The following ZNF292 variants were observed in gnomAD, a reference collection of about 807,000 sequenced individuals.
ZNF292 encodes the protein zinc finger protein 292, also known as 16 zinc-finger domain protein.
ZNF292 carries 26 observed loss-of-function variants against 217.9 expected under a neutral mutation model. That is an observed-to-expected ratio of 0.12 (90% CI 0.09 to 0.17). The LOEUF (loss-of-function observed/expected upper bound fraction) is 0.17. ZNF292 is among the 10% of genes least tolerant of loss of function. The pLI, the probability that ZNF292 is intolerant of heterozygous loss-of-function variation, is 1.00. For missense variants in ZNF292, 2,904 were observed against 3,175.2 expected, an observed-to-expected ratio of 0.91 and a Z score of 2.05; for synonymous variants, 1,257 against 1,124.1, an observed-to-expected ratio of 1.12 and a Z score of -2.37.
intron 1 of ZNF292, among the ~76,000 whole-genome samples, chr6:87,191,269 A>G (rs1351237496): frequency 1.4e-5 from 2 of 145,952 alleles, no homozygotes; most frequent in East Asian, 2.0e-4. Flanking sequence ...ACTAATACTA[A>G]TGATAGCTGA....
chr6:87,214,034 T>C (rs953867269), intron 1 of ZNF292, among the ~76,000 whole-genome samples: 5 of 152,188 alleles, frequency 3.3e-5, no homozygotes, highest in African/African-American at 1.2e-4. Flanking sequence ...TGCCACAGTT[T>C]GGGGTATCAG....
chr6:87,161,286 G>A (rs1459758104), intron 1 of ZNF292, among the ~76,000 whole-genome samples: 1 of 152,144 alleles, frequency 6.6e-6, no homozygotes, highest in East Asian at 1.9e-4. Flanking sequence ...CAAGGACCTA[G>A]GTTTAGATGT....
chr6:87,217,887 CCT>C (rs1772868391), intron 3 of ZNF292, among the ~76,000 whole-genome samples: 1 of 152,042 alleles, frequency 6.6e-6, no homozygotes, highest in African/African-American at 2.4e-5. Flanking sequence ...ATTTATTTTC[CCT>C]GTGTTTTAAC....
intron 1 of ZNF292, among the ~76,000 whole-genome samples, chr6:87,180,100 G>A (rs1771426710): frequency 1.3e-5 from 2 of 152,182 alleles, no homozygotes; most frequent in Admixed American, 1.3e-4. Flanking sequence ...TGAAAGAATT[G>A]TCTTGGGCCA....
At chr6:87,161,780 T>G (rs2127769038) in intron 1 of ZNF292, among the ~76,000 whole-genome samples, 1 of 152,334 alleles carries the variant, frequency 6.6e-6, no homozygotes, top group Non-Finnish European at 1.5e-5. Flanking sequence ...ATTGAAATGG[T>G]TTTTTAAAAT....
At chr6:87,209,889 T>G (rs1375472124) in intron 1 of ZNF292, among the ~76,000 whole-genome samples, 1 of 152,146 alleles carries the variant, frequency 6.6e-6, no homozygotes, top group Non-Finnish European at 1.5e-5. Flanking sequence ...AGTCATGAGA[T>G]CAAAATGTTT....
In ZNF292 at chr6:87,259,038, TAAC is replaced by T; in HGVS notation, c.5412_5414del (p.Asn1804del). 13 of 1,613,480 alleles carry T rather than the reference TAAC, an allele frequency of 8.1e-6. No individual in the cohort carries two copies. The highest frequency in any genetic ancestry group is 1.1e-5 in the Non-Finnish European group (13 of 1,179,674). On this transcript the variant is annotated inframe_deletion, in exon 8 of 8. Coordinates refer to ENST00000369577, the MANE Select transcript of ZNF292 (RefSeq NM_015021.3). ...TTCCTTCAGTAAACACTGTGCAAAA[TAAC>T]AAATTACCCGATTCTTCTCCGTTTT... is the stretch of plus-strand genomic sequence containing the variant.
At chr6:87,250,025 AAAAAAAAAAAAC>A (rs1232957341) in intron 7 of ZNF292, among the ~76,000 whole-genome samples, 102 of 133,928 alleles carry the variant, frequency 7.6e-4, no homozygotes, top group African/African-American at 2.5e-3. Context: ...GTAACCCTTA[AAAAAAAAAAAAC>A]AAAAAAAAAA....
rs969238097 is a variant in ZNF292, at chr6:87,262,824, A to C, written c.*1023A>C. 1 of 151,990 alleles carries C rather than the reference A, an allele frequency of 6.6e-6. No individual in the cohort carries two copies. The highest frequency in any genetic ancestry group is 1.5e-5 in the Non-Finnish European group (1 of 67,896). The allele number at this position is 151,990 out of a possible 1,614,324, so 9.4% of individuals were successfully genotyped here. ...GATTTATAGATTGGTGTATAGCTTT[A>C]AACTGTATAAAGTTTTGTGGAAAGA... On this transcript the variant is annotated 3_prime_UTR_variant, in exon 8 of 8. Transcript: ENST00000369577.
At chr6:87,199,115 C>T (rs1234682502) in intron 1 of ZNF292, among the ~76,000 whole-genome samples, 1 of 152,190 alleles carries the variant, frequency 6.6e-6, no homozygotes, top group East Asian at 1.9e-4. Context: ...ATTTTACATT[C>T]TCCTTAGCAA....
Position 87,260,695 on chromosome 6 carries a change from C to T in ZNF292, c.7066C>T (p.Pro2356Ser). Residue 2356 changes from proline (P) to serine (S), a missense_variant, in exon 8 of 8, where the codon CCT becomes TCT. Around this residue, in one of 15 missense-constraint regions of ZNF292, gnomAD observed 101 missense variants for 89.5 expected, o/e 1.13. Transcript: ENST00000369577. ...AKIVQIEENK[P>S]YSLKRGKHVY... The stretch of plus-strand genomic sequence containing the variant: ...GATTGTGCAGATTGAAGAAAATAAG[C>T]CTTATTCTCTGAAACGTGGGAAGCA... 3 of 1,613,022 alleles carry T rather than the reference C, an allele frequency of 1.9e-6. No individual in the cohort carries two copies. Among genetic ancestry groups the T allele is most frequent in the Admixed American group, 1.7e-5 (1 of 59,866 alleles).
chr6:87,162,844 A>G (rs1168243179), intron 1 of ZNF292, among the ~76,000 whole-genome samples: 1 of 152,234 alleles, frequency 6.6e-6, no homozygotes, highest in Non-Finnish European at 1.5e-5. Flanking sequence ...GAGAGGTTAC[A>G]TTATTTTTCC....
intron 7 of ZNF292, among the ~76,000 whole-genome samples, chr6:87,248,306 A>G (rs566967730): frequency 3.3e-5 from 5 of 152,346 alleles, no homozygotes; most frequent in Admixed American, 3.3e-4. Flanking sequence ...AGTAAGTCTT[A>G]GATGTATCTT....
At chr6:87,208,316 T>A (rs1419959797) in intron 1 of ZNF292, among the ~76,000 whole-genome samples, 1 of 152,164 alleles carries the variant, frequency 6.6e-6, no homozygotes, top group African/African-American at 2.4e-5. Flanking sequence ...TCTAGAAAAT[T>A]AATTTGAATT....
rs1771274964 is a variant in ZNF292, at chr6:87,175,952, T to C, written c.168+20193T>C. On this transcript the variant is annotated intron_variant, in intron 1 of 7. Coordinates refer to ENST00000369577, the MANE Select transcript of ZNF292 (RefSeq NM_015021.3). ...CTTCAATTTATTTACACTACGCTCC[T>C]GGTTCTACGTTTGTGACTGTTTATT... Among the ~76,000 whole-genome samples the C allele has an allele frequency of 2.6e-5, 4 of 152,190 alleles. No individual in the cohort carries two copies. The South Asian group carries it at 8.3e-4, about 31-fold the overall frequency.
chr6:87,256,673 A>G lies in ZNF292; in HGVS notation c.3044A>G (p.Asp1015Gly). 2 of 1,613,430 alleles carry G rather than the reference A, an allele frequency of 1.2e-6. No homozygotes were observed. Among genetic ancestry groups the G allele is most frequent in the East Asian group, 4.5e-5 (2 of 44,882 alleles). ...AATTCAGAAACTCTCAAAATAGGTG[A>G]CCTTACCCCACAAAACTTAGAAAGA... ...LVNSETLKIG[D>G]LTPQNLERQV... The change falls in exon 8 of 8, where the codon GAC (aspartate) becomes GGC (glycine). Residue 1015 changes from aspartate to glycine, a missense_variant. Coordinates refer to ENST00000369577, the MANE Select transcript of ZNF292 (RefSeq NM_015021.3).
In ZNF292 at chr6:87,215,918, G is replaced by A. The variant is rs1216473967; in HGVS notation, c.184G>A (p.Ala62Thr). 6 of 1,598,742 alleles carry A rather than the reference G, an allele frequency of 3.8e-6. No individual in the cohort carries two copies. The highest frequency in any genetic ancestry group is 5.1e-6 in the Non-Finnish European group (6 of 1,175,190). Residue 62 changes from alanine (A) to threonine (T), a missense_variant, in exon 2 of 8, where the codon GCA becomes ACA. Coordinates refer to ENST00000369577, the MANE Select transcript of ZNF292 (RefSeq NM_015021.3). The stretch of plus-strand genomic sequence containing the variant: ...TCCAAAACAGACACTCCTAGAATAT[G>A]CAGAGAAATGGAAAACTTCAGAAGA... ...QQLCQTLLEY[A>T]EKWKTSEDPL...
At chr6:87,216,080 A>G in intron 2 of ZNF292, 23 bp downstream of exon 2, 1 of 1,527,040 alleles carries the variant, frequency 6.5e-7, no homozygotes, top group Non-Finnish European at 8.8e-7. Flanking sequence ...TTGAGTAAAT[A>G]AACTAGATTT....
intron 1 of ZNF292, among the ~76,000 whole-genome samples, chr6:87,185,520 C>T (rs1040349499): frequency 6.6e-6 from 1 of 152,210 alleles, no homozygotes. Flanking sequence ...TGCCCTGTAA[C>T]CCAGGCTGGA....
Sources: gnomAD v4.1 joint callset for allele counts (sites outside exome capture counted in the v4.1 genomes callset) on GRCh38, gnomAD v4.1.1 for gene constraint, gnomAD v4.1.1 regional missense constraint, MANE v1.5 for transcripts, NCBI Gene and HGNC (gene_info 2026-07-23, HGNC 2026-07-21) for gene names.